Variants in GSG1L observed in about 807,000 individuals in gnomAD.
The protein encoded by GSG1L is germ cell-specific gene 1-like protein.
GSG1L carries 24 observed loss-of-function variants against 42.1 expected under a neutral mutation model. The ratio of observed to expected loss-of-function variants is 0.57; its 90% CI spans 0.41 to 0.80. The LOEUF is 0.80. GSG1L is among the 30% of genes least tolerant of loss of function. The probability of loss-of-function intolerance (pLI) is 0.00; values close to 1 mark genes in which losing one functional copy is unlikely to be tolerated. For missense variants in GSG1L, 445 were observed against 472.2 expected, an observed-to-expected ratio of 0.94 and a Z score of 0.53; for synonymous variants, 215 against 203.5, an observed-to-expected ratio of 1.06 and a Z score of -0.48.
At chr16:28,001,479 T>G (rs2085577526) in intron 1 of GSG1L, among the ~76,000 whole-genome samples, 1 of 152,230 alleles carries the variant, frequency 6.6e-6, no homozygotes, top group Admixed American at 6.5e-5. Flanking sequence ...AAGGGACCAT[T>G]GTGTGATGGC....
intron 3 of GSG1L, among the ~76,000 whole-genome samples, chr16:27,864,028 G>A (rs1421977579): frequency 6.6e-6 from 1 of 152,184 alleles, no homozygotes; most frequent in African/African-American, 2.4e-5. Context: ...CCTCTCTCAA[G>A]CACTGCTATT....
intron 2 of GSG1L, among the ~76,000 whole-genome samples, chr16:27,905,070 G>A (rs2084305052): frequency 6.6e-6 from 1 of 152,148 alleles, no homozygotes; most frequent in African/African-American, 2.4e-5. Context: ...GAGGCCCTAG[G>A]ACACCAGTTT....
At chr16:28,007,706 G>A (rs1011790653) in intron 1 of GSG1L, among the ~76,000 whole-genome samples, 1 of 151,914 alleles carries the variant, frequency 6.6e-6, no homozygotes, top group Non-Finnish European at 1.5e-5. Context: ...GTAGAGATGG[G>A]GGTCCTCCTA....
intron 5 of GSG1L, among the ~76,000 whole-genome samples, chr16:27,808,099 C>T (rs1434129339): frequency 6.6e-6 from 1 of 152,170 alleles, no homozygotes; most frequent in Non-Finnish European, 1.5e-5. Context: ...CTCCGCCCAC[C>T]CCAGAGACAA....
chr16:28,005,533 T>A (rs938599327), intron 1 of GSG1L, among the ~76,000 whole-genome samples: 6 of 152,200 alleles, frequency 3.9e-5, no homozygotes, highest in African/African-American at 1.4e-4. Flanking sequence ...GGCTTCATTT[T>A]AACTTGATTT....
At chr16:27,888,456 CTTTCTT>C (rs1567505710) in intron 2 of GSG1L, among the ~76,000 whole-genome samples, 233 of 18,270 alleles carry the variant, frequency 0.013, 17 homozygotes, top group South Asian at 0.041. Context: ...TTCTTTCTTT[CTTTCTT>C]TCTCTCTCTC....
chr16:27,890,284 A>G (rs547677922), intron 2 of GSG1L, among the ~76,000 whole-genome samples: 1 of 152,338 alleles, frequency 6.6e-6, no homozygotes, highest in African/African-American at 2.4e-5. Flanking sequence ...GCCACCAGGC[A>G]TGATGGGGAA....
At chr16:27,946,610 AGAGAGAGAGAGAGAG>A (rs2084868716) in intron 2 of GSG1L, among the ~76,000 whole-genome samples, 1 of 10,024 alleles carries the variant, frequency 1.0e-4, no homozygotes, top group African/African-American at 2.6e-4. Context: ...AGAGAGAGAG[AGAGAGAGAGAGAGAG>A]AGAGAGAAAG....
At chr16:28,037,543 C>G (rs187498395) in intron 1 of GSG1L, among the ~76,000 whole-genome samples, 2 of 152,296 alleles carry the variant, frequency 1.3e-5, no homozygotes, top group African/African-American at 4.8e-5. Context: ...ACCATCACCT[C>G]CCTCATGCTA....
chr16:27,826,712 A>C (rs1188259026), intron 5 of GSG1L, among the ~76,000 whole-genome samples: 1 of 152,116 alleles, frequency 6.6e-6, no homozygotes, highest in Non-Finnish European at 1.5e-5. Context: ...ATCCACCAAC[A>C]CCCACCAACT....
intron 2 of GSG1L, among the ~76,000 whole-genome samples, chr16:27,903,689 C>A (rs1483129694): frequency 1.3e-5 from 2 of 152,142 alleles, no homozygotes; most frequent in East Asian, 3.9e-4. Context: ...AATGAGCCAC[C>A]AGGGACCAAA....
chr16:27,905,319 CTTTT>C (rs539377057), intron 2 of GSG1L, among the ~76,000 whole-genome samples: 1 of 132,604 alleles, frequency 7.5e-6, no homozygotes. Context: ...ATGCCAGAAT[CTTTT>C]TTTTTTTTTT....
At chr16:27,830,072 G>A (rs896815370) in intron 4 of GSG1L, among the ~76,000 whole-genome samples, 6 of 152,118 alleles carry the variant, frequency 3.9e-5, no homozygotes, top group Non-Finnish European at 7.3e-5. Flanking sequence ...GGAAGGGTGG[G>A]GTAGAGCGAG....
At chr16:27,964,200 T>G (rs1488992670) in intron 1 of GSG1L, among the ~76,000 whole-genome samples, 1 of 151,902 alleles carries the variant, frequency 6.6e-6, no homozygotes, top group East Asian at 1.9e-4. Context: ...CGTAGTGGCA[T>G]GCACCTGTAG....
chr16:27,949,702 G>A (rs1451149507), intron 2 of GSG1L, among the ~76,000 whole-genome samples: 1 of 152,184 alleles, frequency 6.6e-6, no homozygotes, highest in Non-Finnish European at 1.5e-5. Context: ...GAGGCGGGCG[G>A]ATCACGAGGT....
intron 1 of GSG1L, among the ~76,000 whole-genome samples, chr16:27,985,506 A>C (rs1024555131): frequency 6.6e-6 from 1 of 152,174 alleles, no homozygotes. Flanking sequence ...CTTTCCGCTC[A>C]GCCTGCAGAA....
At chr16:27,885,604 A>G (rs966459946) in intron 2 of GSG1L, among the ~76,000 whole-genome samples, 7 of 152,206 alleles carry the variant, frequency 4.6e-5, no homozygotes, top group Non-Finnish European at 7.3e-5. Flanking sequence ...CCAGTCAGCC[A>G]TGTTCTGGTG....
intron 2 of GSG1L, among the ~76,000 whole-genome samples, chr16:27,910,658 G>A (rs751078098): frequency 6.6e-6 from 1 of 152,130 alleles, no homozygotes; most frequent in Non-Finnish European, 1.5e-5. Context: ...ACACACACAG[G>A]TACAAAAGCC....
At chr16:28,012,476 T>C in intron 1 of GSG1L, among the ~76,000 whole-genome samples, 1 of 152,132 alleles carries the variant, frequency 6.6e-6, no homozygotes, top group Non-Finnish European at 1.5e-5. Flanking sequence ...GTAGACAGAA[T>C]GTCTATTGGG....
Sources: gnomAD v4.1 joint callset for allele counts (sites outside exome capture counted in the v4.1 genomes callset) on GRCh38, gnomAD v4.1.1 for gene constraint, MANE v1.5 for transcripts, NCBI Gene and HGNC (gene_info 2026-07-23, HGNC 2026-07-21) for gene names.